PPFIA2: variants seen among roughly 807,000 people sequenced by gnomAD.
PPFIA2 encodes liprin-alpha-2.
Under a neutral mutation model 175.5 loss-of-function variants are expected in PPFIA2, and 46 were observed. The observed-to-expected ratio is 0.26, with a 90% CI of 0.21 to 0.34. The LOEUF is 0.34. Ranked by LOEUF, PPFIA2 falls within the 10% of genes least tolerant of loss-of-function variation. The pLI is 1.00. For synonymous variants in PPFIA2, 568 were observed against 511.4 expected (o/e 1.11, Z -1.49); for missense variants, 1,179 against 1,506.1 (o/e 0.78, Z 3.60).
At position 81,266,993 on chromosome 12, in the gene PPFIA2, T is replaced by C. The variant is rs548180715; in HGVS notation, c.3514A>G (p.Asn1172Asp). ...QARQILEREY[N>D]NLLALGTERR... ...TCAGTTCCCAGGGCCAAGAGGTTAT[T>C]GTATTCTCTTTCAAGAATCTGCCTT... Residue 1172 changes from asparagine to aspartate, a missense_variant, in exon 30 of 33, where the codon AAT (asparagine) becomes GAT (aspartate). Asn to Asp is a conservative substitution (Grantham distance 23). Coordinates refer to ENST00000549396, the MANE Select transcript of PPFIA2 (RefSeq NM_003625.5). 7.4e-6 allele frequency: 12 copies of C among 1,613,190 alleles called. No homozygotes were observed. The African/African-American group carries it at 9.3e-5, about 13-fold the overall frequency.
intron 16 of PPFIA2, among the ~76,000 whole-genome samples, chr12:81,357,405 G>T (rs142109765): frequency 6.6e-6 from 1 of 152,102 alleles, no homozygotes; most frequent in African/African-American, 2.4e-5. Flanking sequence ...AATAAAAGTG[G>T]TTGAAAGAAT....
At chr12:81,659,553 G>A (rs1050709107) in intron 4 of PPFIA2, among the ~76,000 whole-genome samples, 13 of 152,172 alleles carry the variant, frequency 8.5e-5, no homozygotes, top group South Asian at 4.1e-4. Context: ...ACAAAGCAGC[G>A]GGGAAGCTAG....
intron 8 of PPFIA2, among the ~76,000 whole-genome samples, chr12:81,402,344 TA>T (rs147467367): frequency 0.14 from 20,438 of 148,584 alleles, 1,916 homozygotes; most frequent in East Asian, 0.36. Flanking sequence ...AAGTTCTCAA[TA>T]AAAAAAAAAT....
At chr12:81,626,081 C>T (rs928458435) in intron 4 of PPFIA2, among the ~76,000 whole-genome samples, 17 of 151,494 alleles carry the variant, frequency 1.1e-4, no homozygotes, top group Admixed American at 8.6e-4. Flanking sequence ...ATTTGTTATT[C>T]CTTTTCTAAA....
Position 81,368,624 on chromosome 12 carries a change from A to T in PPFIA2, c.1482+101T>A, listed in dbSNP as rs963942727. On this transcript the variant is annotated intron_variant, in intron 13 of 32. Transcript: ENST00000549396. ...ATATACCAGGCATTTTTAAAAACTA[A>T]GTAAATGGATCATCTGACCATTACA... The T allele has an allele frequency of 4.9e-6, 6 of 1,215,680 alleles. No homozygotes were observed. The African/African-American group carries it at 6.2e-5, about 13-fold the overall frequency. 75.3% of individuals were successfully genotyped at this position (1,215,680 alleles called of 1,614,324 possible).
chr12:81,367,800 T>C (rs1324855268), intron 13 of PPFIA2, among the ~76,000 whole-genome samples: 2 of 151,662 alleles, frequency 1.3e-5, no homozygotes, highest in Non-Finnish European at 3.0e-5. Context: ...TATTTATTTT[T>C]CTACAAAACA....
At chr12:81,469,133 TA>T (rs1445672749) in intron 4 of PPFIA2, among the ~76,000 whole-genome samples, 1 of 152,218 alleles carries the variant, frequency 6.6e-6, no homozygotes, top group Non-Finnish European at 1.5e-5. Flanking sequence ...TACTGAGGGA[TA>T]TTTTTTAATT....
intron 4 of PPFIA2, among the ~76,000 whole-genome samples, chr12:81,668,103 C>T (rs1470866463): frequency 2.0e-5 from 3 of 152,078 alleles, no homozygotes; most frequent in Non-Finnish European, 4.4e-5. Flanking sequence ...TAGGCAATTG[C>T]TATTTGCTTT....
chr12:81,642,714 G>GTATATATTATATACATACGTGTATGTATA (rs1567687759), intron 4 of PPFIA2, among the ~76,000 whole-genome samples: 2 of 23,334 alleles, frequency 8.6e-5, no homozygotes, highest in Admixed American at 6.6e-4. Context: ...ATGTATGTAT[G>GTATATATTATATACATACGTGTATGTATA]TATTATATAC....
intron 4 of PPFIA2, among the ~76,000 whole-genome samples, chr12:81,668,749 G>C (rs1456240413): frequency 6.6e-6 from 1 of 151,904 alleles, no homozygotes; most frequent in Non-Finnish European, 1.5e-5. Flanking sequence ...ACAAGTCTGT[G>C]GTGAATATGT....
At chr12:81,367,269 T>A in intron 13 of PPFIA2, 99 bp from the exon 14 acceptor site, 3 of 824,992 alleles carry the variant, frequency 3.6e-6, no homozygotes, top group Non-Finnish European at 4.9e-6. Flanking sequence ...CCTCTTAGAT[T>A]CCTTCCTTAG....
At chr12:81,483,736 T>C (rs961892079) in intron 4 of PPFIA2, among the ~76,000 whole-genome samples, 2 of 152,072 alleles carry the variant, frequency 1.3e-5, no homozygotes, top group Non-Finnish European at 2.9e-5. Flanking sequence ...ATCTAAGGTA[T>C]TTAAAAATCA....
chr12:81,422,929 A>G (rs1172268084), intron 7 of PPFIA2, among the ~76,000 whole-genome samples: 1 of 152,154 alleles, frequency 6.6e-6, no homozygotes, highest in East Asian at 1.9e-4. Flanking sequence ...AAAATCAGAC[A>G]TGAAAGAGGA....
At chr12:81,685,596 G>A (rs1046375560) in intron 3 of PPFIA2, among the ~76,000 whole-genome samples, 2 of 151,944 alleles carry the variant, frequency 1.3e-5, no homozygotes, top group African/African-American at 4.8e-5. Flanking sequence ...AAGGTCACAG[G>A]TTTCATAGTA....
chr12:81,421,896 G>A (rs2046303979), intron 7 of PPFIA2, among the ~76,000 whole-genome samples: 1 of 151,844 alleles, frequency 6.6e-6, no homozygotes, highest in Non-Finnish European at 1.5e-5. Context: ...AAGAAAGCTA[G>A]GGGTAGTTAT....
At chr12:81,366,550 T>C (rs2033493984) in intron 14 of PPFIA2, among the ~76,000 whole-genome samples, 2 of 151,634 alleles carry the variant, frequency 1.3e-5, no homozygotes, top group Admixed American at 1.3e-4. Flanking sequence ...TACCTGTAGC[T>C]CTTACTGCCT....
intron 3 of PPFIA2, 99 bp from the exon 4 acceptor site, chr12:81,676,943 G>T: frequency 2.6e-6 from 2 of 768,886 alleles, no homozygotes; most frequent in Non-Finnish European, 4.0e-6. Context: ...CAAAGTTAGG[G>T]CATGTCAGCT....
intron 7 of PPFIA2, among the ~76,000 whole-genome samples, chr12:81,408,951 A>C (rs911226898): frequency 2.0e-5 from 3 of 152,286 alleles, no homozygotes; most frequent in African/African-American, 7.2e-5. Flanking sequence ...ATTATTTTTG[A>C]CACTGGGGAA....
At chr12:81,646,928 A>G (rs1364981454) in intron 4 of PPFIA2, among the ~76,000 whole-genome samples, 1 of 152,066 alleles carries the variant, frequency 6.6e-6, no homozygotes, top group East Asian at 1.9e-4. Flanking sequence ...GAAAAGGAGG[A>G]AGGAAAAAAA....
Sources: gnomAD v4.1 joint callset for allele counts (sites outside exome capture counted in the v4.1 genomes callset) on GRCh38, gnomAD v4.1.1 for gene constraint, MANE v1.5 for transcripts, NCBI Gene and HGNC (gene_info 2026-07-23, HGNC 2026-07-21) for gene names.